FAM227A: variants seen among roughly 807,000 people sequenced by gnomAD.
FAM227A encodes protein FAM227A.
Under a neutral mutation model 74.7 loss-of-function variants are expected in FAM227A, and 80 were observed. The observed-to-expected ratio is 1.07, with a 90% CI of 0.89 to 1.29. FAM227A has a LOEUF of 1.29. FAM227A is among the 50% of genes most tolerant of loss of function. FAM227A has a pLI of 0.00. For synonymous variants in FAM227A, 237 were observed against 241.8 expected (o/e 0.98, Z 0.19); for missense variants, 654 against 683.4 (o/e 0.96, Z 0.48).
At chr22:38,599,695 C>A in intron 14 of FAM227A, 69 bp downstream of exon 14, 1 of 1,435,734 alleles carries the variant, frequency 7.0e-7, no homozygotes, top group Non-Finnish European at 9.3e-7. Context: ...CATTCCCTGA[C>A]CTTTGCTTCT....
chr22:38,601,325 G>A (rs1451244894), intron 13 of FAM227A, among the ~76,000 whole-genome samples: 1 of 151,936 alleles, frequency 6.6e-6, no homozygotes, highest in Non-Finnish European at 1.5e-5. Flanking sequence ...GTGGGGAAGG[G>A]AGCCATGGGA....
chr22:38,605,410 C>T, intron 12 of FAM227A, 62 bp from the exon 13 acceptor site: 1 of 936,126 alleles, frequency 1.1e-6, no homozygotes. Flanking sequence ...GTGCCTCAGC[C>T]TCCTGAGTAG....
chr22:38,617,199 G>T (rs1481294781), intron 11 of FAM227A, among the ~76,000 whole-genome samples: 1 of 151,396 alleles, frequency 6.6e-6, no homozygotes, highest in East Asian at 1.9e-4. Context: ...CATGGTTGTT[G>T]TATCTATTTT....
Position 38,583,092 on chromosome 22 carries a change from G to A in FAM227A, c.*3033C>T. On this transcript the variant is annotated 3_prime_UTR_variant, in exon 17 of 17. Coordinates refer to ENST00000535113, the MANE Select transcript of FAM227A (RefSeq NM_001013647.2). ...GGCTGGGGTAGTAAAGGGAAGGTGA[G>A]AGAGTGTTCTGCTTATCTGCCCCAC... 2.2e-6 allele frequency: 2 copies of A among 894,958 alleles called. No homozygotes were observed. Among genetic ancestry groups the A allele is most frequent in the South Asian group, 1.7e-5 (1 of 59,824 alleles). 55.4% of individuals were successfully genotyped at this position (894,958 alleles called of 1,614,324 possible).
rs559200675 is a variant in FAM227A, at chr22:38,645,588, C to T, written c.200G>A (p.Arg67His). The change falls in exon 3 of 17, where the codon CGT (arginine) becomes CAT (histidine). Residue 67 changes from arginine to histidine, a missense_variant. By Grantham distance (29) the Arg-to-His change is conservative (BLOSUM62 0). Coordinates refer to ENST00000535113, the MANE Select transcript of FAM227A (RefSeq NM_001013647.2). ...CAGGCTGTTGGCCGACGGCTCGGTA[C>T]GCAGATTTATGTCAGCAATCTTTTG... ...VNQKIADINL[R>H]TEPSANSLAI... The T allele has an allele frequency of 3.3e-5, 51 of 1,551,318 alleles. No individual in the cohort carries two copies. The highest frequency in any genetic ancestry group is 2.7e-4 in the African/African-American group (20 of 73,078).
chr22:38,613,319 T>TATATATCATATATA (rs1569207636), intron 11 of FAM227A, among the ~76,000 whole-genome samples: 8 of 78,542 alleles, frequency 1.0e-4, no homozygotes, highest in Non-Finnish European at 1.1e-4. Flanking sequence ...TAACATATAA[T>TATATATCATATATA]ATATATCATA....
At chr22:38,646,284 G>A (rs1300028729) in intron 2 of FAM227A, among the ~76,000 whole-genome samples, 1 of 111,238 alleles carries the variant, frequency 9.0e-6, no homozygotes, top group African/African-American at 4.1e-5. Flanking sequence ...TTTTGAGACG[G>A]AGTCTCGCTC....
intron 11 of FAM227A, among the ~76,000 whole-genome samples, chr22:38,610,569 A>G (rs961734547): frequency 6.6e-6 from 1 of 152,184 alleles, no homozygotes; most frequent in African/African-American, 2.4e-5. Context: ...AAGAAGTAAT[A>G]ATGACCCACC....
chr22:38,607,176 CAAAAAAAAAAA>C (rs528873313), intron 12 of FAM227A, among the ~76,000 whole-genome samples: 2 of 55,660 alleles, frequency 3.6e-5, no homozygotes, highest in East Asian at 9.1e-4. Flanking sequence ...GACTTCATCT[CAAAAAAAAAAA>C]AAAAAAAAAA....
intron 6 of FAM227A, among the ~76,000 whole-genome samples, chr22:38,635,017 C>T (rs571567740): frequency 3.0e-4 from 45 of 151,766 alleles, no homozygotes; most frequent in Non-Finnish European, 5.9e-4. Context: ...GAGGCTGAGG[C>T]GGGCGGATCA....
chr22:38,594,454 C>T (rs959539516), intron 15 of FAM227A, among the ~76,000 whole-genome samples: 7 of 152,192 alleles, frequency 4.6e-5, no homozygotes, highest in African/African-American at 1.4e-4. Flanking sequence ...ACCTACACTT[C>T]GGTCCAATAA....
chr22:38,640,666 A>G (rs572124331), intron 3 of FAM227A, among the ~76,000 whole-genome samples: 2 of 152,360 alleles, frequency 1.3e-5, no homozygotes, highest in Admixed American at 1.3e-4. Context: ...GAGCCAAATC[A>G]GCACTCGTGG....
intron 15 of FAM227A, among the ~76,000 whole-genome samples, chr22:38,593,312 G>A (rs2090977079): frequency 6.6e-6 from 1 of 152,186 alleles, no homozygotes. Context: ...AGACCATCCT[G>A]GCTAACACGG....
At chr22:38,615,518 T>C (rs2091557125) in intron 11 of FAM227A, among the ~76,000 whole-genome samples, 1 of 152,136 alleles carries the variant, frequency 6.6e-6, no homozygotes, top group African/African-American at 2.4e-5. Flanking sequence ...TCTGGATCCC[T>C]GAGGAAAGCA....
rs2091727021 is a variant in FAM227A, at chr22:38,623,167, C to T, written c.958+5G>A. 1 of 1,546,782 alleles carries T rather than the reference C, an allele frequency of 6.5e-7. No individual in the cohort carries two copies. The highest frequency in any genetic ancestry group is 1.2e-5 in the South Asian group (1 of 83,944). On this transcript the variant is annotated splice_donor_5th_base_variant and intron_variant, in intron 10 of 16. Transcript: ENST00000535113. ...GAAGGCGGGAGGCTGTACCTGCTAT[C>T]TTACCCTTTGTCAGTCTTCTTCTGT...
At position 38,645,583 on chromosome 22, in the gene FAM227A, C is replaced by T. The variant is rs780905776; in HGVS notation, c.205G>A (p.Glu69Lys). ...CTCACCAGGCTGTTGGCCGACGGCTCGGTACGCAGATTTATGTCAGCAATC... is the reference window on the plus strand; with the variant it reads ...CTCACCAGGCTGTTGGCCGACGGCTTGGTACGCAGATTTATGTCAGCAATC... Reference protein sequence around the residue: ...QKIADINLRTEPSANSLAIER... With the variant: ...QKIADINLRTKPSANSLAIER... The change falls in exon 3 of 17, where the codon GAG (glutamate) becomes AAG (lysine). Residue 69 changes from glutamate to lysine, a missense_variant. Glu to Lys is a moderately conservative substitution (Grantham distance 56, BLOSUM62 1). Coordinates refer to ENST00000535113, the MANE Select transcript of FAM227A (RefSeq NM_001013647.2). The T allele has an allele frequency of 3.0e-5, 47 of 1,551,200 alleles. No homozygotes were observed. Among genetic ancestry groups the T allele is most frequent in the South Asian group, 3.6e-5 (3 of 84,022 alleles).
rs144113357 is a variant in FAM227A, at chr22:38,634,410, T to G, written c.519+2041A>C. Reference sequence around the variant, plus strand: ...AATGACCATGCTGTTCCTCTATTATTGACCATTAAACTGTTTCTAATAACA... The same window carrying G: ...AATGACCATGCTGTTCCTCTATTATGGACCATTAAACTGTTTCTAATAACA... On this transcript the variant is annotated intron_variant, in intron 6 of 16. Coordinates refer to ENST00000535113, the MANE Select transcript of FAM227A (RefSeq NM_001013647.2). Among the ~76,000 whole-genome samples, 3 of 152,282 alleles carry G rather than the reference T, an allele frequency of 2.0e-5. No individual in the cohort carries two copies. In the East Asian group the frequency reaches 5.8e-4, roughly 29 times the overall value.
In FAM227A at chr22:38,623,274, A is replaced by G; in HGVS notation, c.856T>C (p.Tyr286His). 1 of 1,549,928 alleles carries G rather than the reference A, an allele frequency of 6.5e-7. No individual in the cohort carries two copies. The highest frequency in any genetic ancestry group is 8.7e-7 in the Non-Finnish European group (1 of 1,145,386). The change falls in exon 10 of 17, where the codon TAT becomes CAT. Residue 286 changes from tyrosine to histidine, a missense_variant. Coordinates refer to ENST00000535113, the MANE Select transcript of FAM227A (RefSeq NM_001013647.2). ...CTGTCATAGCTCTGTGGGCTAGGAT[A>G]GGTGCCTAAGGGAGGAGTCAAGAGT... is the stretch of plus-strand genomic sequence containing the variant. ...NTMSLWISGT[Y>H]PSPQSYDSWD...
intron 8 of FAM227A, among the ~76,000 whole-genome samples, chr22:38,626,881 A>AT (rs1569220762): frequency 1.9e-5 from 2 of 106,754 alleles, no homozygotes; most frequent in African/African-American, 8.0e-5. Context: ...AAAAAAAAAA[A>AT]AAAAAAAAAA....
Sources: allele counts gnomAD v4.1 joint callset (sites outside exome capture counted in the v4.1 genomes callset), GRCh38; gene constraint gnomAD v4.1.1; transcripts MANE v1.5; gene names NCBI Gene and HGNC (gene_info 2026-07-23, HGNC 2026-07-21).